Variants in IMMP2L observed in about 807,000 individuals in gnomAD.
The protein encoded by IMMP2L is inner mitochondrial membrane peptidase subunit 2.
In IMMP2L, 18 loss-of-function variants were observed where a neutral mutation model predicts 19.3. The observed-to-expected ratio is 0.93, with a 90% confidence interval of 0.64 to 1.38. The LOEUF is 1.38. Ranked by LOEUF, IMMP2L falls within the 40% of genes most tolerant of loss-of-function variation. The pLI is 0.00. For synonymous variants in IMMP2L, 76 were observed against 73.0 expected, an observed-to-expected ratio of 1.04 and a Z score of -0.21; for missense variants, 233 against 218.2, an observed-to-expected ratio of 1.07 and a Z score of -0.43.
At chr7:111,018,310 G>A (rs1585778557) in intron 3 of IMMP2L, among the ~76,000 whole-genome samples, 2 of 152,156 alleles carry the variant, frequency 1.3e-5, no homozygotes, top group Non-Finnish European at 2.9e-5. Flanking sequence ...AGTGTTAGCG[G>A]CTCTGTGGCG....
At chr7:110,681,663 C>CA (rs1355895525) in intron 5 of IMMP2L, among the ~76,000 whole-genome samples, 2 of 152,132 alleles carry the variant, frequency 1.3e-5, no homozygotes, top group African/African-American at 4.8e-5. Flanking sequence ...AAGCACACTG[C>CA]AAGGTGTTCT....
intron 3 of IMMP2L, among the ~76,000 whole-genome samples, chr7:111,378,908 T>TCCTTTTACTGGTCTCTTTTACTG (rs1298095544): frequency 1.3e-5 from 2 of 151,898 alleles, no homozygotes; most frequent in Non-Finnish European, 2.9e-5. Context: ...CTCTTAAGGG[T>TCCTTTTACTGGTCTCTTTTACTG]GTAGTTATTC....
intron 2 of IMMP2L, among the ~76,000 whole-genome samples, chr7:111,497,274 T>C (rs1223980475): frequency 6.6e-6 from 1 of 152,152 alleles, no homozygotes; most frequent in Non-Finnish European, 1.5e-5. Flanking sequence ...AAATGTCACA[T>C]TTAAAAAGAT....
intron 5 of IMMP2L, among the ~76,000 whole-genome samples, chr7:110,840,128 C>T (rs1363972330): frequency 6.6e-6 from 1 of 152,106 alleles, no homozygotes; most frequent in African/African-American, 2.4e-5. Context: ...ACAGCTGCTG[C>T]TAGAAGTTCC....
intron 3 of IMMP2L, among the ~76,000 whole-genome samples, chr7:111,195,396 A>T (rs1273995949): frequency 2.0e-5 from 3 of 152,036 alleles, no homozygotes; most frequent in Non-Finnish European, 4.4e-5. Context: ...CTGCTTCTAA[A>T]GACTAAGTTG....
chr7:110,701,889 A>G (rs1054643080), intron 5 of IMMP2L, among the ~76,000 whole-genome samples: 8 of 152,020 alleles, frequency 5.3e-5, no homozygotes, highest in African/African-American at 1.9e-4. Flanking sequence ...TGATTTCTAT[A>G]TGTGTATAGT....
intron 5 of IMMP2L, among the ~76,000 whole-genome samples, chr7:110,809,220 AAAT>A (rs927945369): frequency 1.3e-5 from 2 of 152,078 alleles, no homozygotes; most frequent in African/African-American, 4.8e-5. Flanking sequence ...AGTAGGTAAT[AAAT>A]AATAATGTAT....
At chr7:111,520,110 A>T (rs920176558) in intron 2 of IMMP2L, among the ~76,000 whole-genome samples, 2 of 152,166 alleles carry the variant, frequency 1.3e-5, no homozygotes, top group African/African-American at 4.8e-5. Flanking sequence ...AATGTAAAAT[A>T]CATTCTATCT....
At chr7:111,099,611 G>A (rs954102872) in intron 3 of IMMP2L, among the ~76,000 whole-genome samples, 2 of 151,566 alleles carry the variant, frequency 1.3e-5, no homozygotes, top group East Asian at 1.9e-4. Context: ...TAAAATTAAA[G>A]CAAAAATGTT....
intron 3 of IMMP2L, among the ~76,000 whole-genome samples, chr7:111,302,419 G>A (rs1303400257): frequency 6.6e-6 from 1 of 152,090 alleles, no homozygotes; most frequent in Non-Finnish European, 1.5e-5. Context: ...CCCTATTTAT[G>A]AAGTGTGGCA....
chr7:111,394,025 G>A (rs1399241441), intron 3 of IMMP2L, among the ~76,000 whole-genome samples: 1 of 152,038 alleles, frequency 6.6e-6, no homozygotes, highest in Admixed American at 6.6e-5. Flanking sequence ...TTGTTCATCA[G>A]TCTGCTAGTC....
intron 3 of IMMP2L, among the ~76,000 whole-genome samples, chr7:111,039,716 A>T (rs904733941): frequency 1.3e-4 from 20 of 152,216 alleles, no homozygotes; most frequent in Non-Finnish European, 2.6e-4. Flanking sequence ...TCACAAAAAT[A>T]TGAAACTCAA....
At chr7:110,962,949 AT>A (rs1340325789) in intron 4 of IMMP2L, 3 of 1,428,040 alleles carry the variant, frequency 2.1e-6, no homozygotes, top group Middle Eastern at 1.8e-4. Context: ...ATTGTTCTTG[AT>A]TTATCAGCAA....
intron 5 of IMMP2L, among the ~76,000 whole-genome samples, chr7:110,809,754 T>C (rs188342005): frequency 2.0e-5 from 3 of 152,060 alleles, no homozygotes; most frequent in Non-Finnish European, 4.4e-5. Flanking sequence ...ACTATCTGTT[T>C]CATCAGTTGG....
chr7:111,330,890 C>T (rs987926268), intron 3 of IMMP2L, among the ~76,000 whole-genome samples: 1 of 151,828 alleles, frequency 6.6e-6, no homozygotes, highest in African/African-American at 2.4e-5. Flanking sequence ...TCATCTTACA[C>T]TTATCAGAAT....
Position 111,097,959 on chromosome 7 carries a change from A to T in IMMP2L, c.240-134394T>A, listed in dbSNP as rs1259104285. Among the ~76,000 whole-genome samples the T allele has an allele frequency of 2.0e-5, 3 of 151,882 alleles. No individual in the cohort carries two copies. In the Admixed American group the frequency reaches 2.0e-4, roughly 10 times the overall value. ...CCAAGGCATTGAGAACAAAAAAGAT[A>T]GAGCAAGCGAAAAGAGAATTGTGTC... is the stretch of plus-strand genomic sequence containing the variant. On this transcript the variant is annotated intron_variant, in intron 3 of 5. Coordinates refer to ENST00000405709, the MANE Select transcript of IMMP2L (RefSeq NM_032549.4).
At chr7:111,142,541 T>A (rs892680911) in intron 3 of IMMP2L, among the ~76,000 whole-genome samples, 4 of 152,094 alleles carry the variant, frequency 2.6e-5, no homozygotes, top group Admixed American at 6.6e-5. Flanking sequence ...TATTTTTCTT[T>A]CCTGAACAGG....
chr7:111,073,376 G>A (rs970460243), intron 3 of IMMP2L, among the ~76,000 whole-genome samples: 9 of 152,034 alleles, frequency 5.9e-5, no homozygotes, highest in African/African-American at 2.2e-4. Flanking sequence ...ATATTTGGGG[G>A]TTCATTGTGC....
chr7:111,048,658 T>A (rs1025473409), intron 3 of IMMP2L, among the ~76,000 whole-genome samples: 1 of 152,174 alleles, frequency 6.6e-6, no homozygotes, highest in Non-Finnish European at 1.5e-5. Flanking sequence ...TTAAAATATA[T>A]ACTATAATGC....
Sources: allele counts gnomAD v4.1 joint callset (sites outside exome capture counted in the v4.1 genomes callset), GRCh38; gene constraint gnomAD v4.1.1; transcripts MANE v1.5; gene names NCBI Gene and HGNC (gene_info 2026-07-23, HGNC 2026-07-21).